Variants in SPOCK1 observed in about 807,000 individuals in gnomAD.
SPOCK1 encodes testican-1.
SPOCK1 carries 23 observed loss-of-function variants against 55.3 expected under a neutral mutation model. That is an observed-to-expected ratio of 0.42 (90% confidence interval 0.30 to 0.59). The LOEUF is 0.59. Ranked by LOEUF, SPOCK1 falls within the 20% of genes least tolerant of loss-of-function variation. The probability of loss-of-function intolerance (pLI) is 0.22; values close to 1 mark genes in which losing one functional copy is unlikely to be tolerated. For synonymous variants in SPOCK1, 226 were observed against 221.0 expected (o/e 1.02, Z -0.20); for missense variants, 499 against 552.5 (o/e 0.90, Z 0.97).
chr5:137,224,664 C>G (rs192766477), intron 3 of SPOCK1, among the ~76,000 whole-genome samples: 1 of 152,330 alleles, frequency 6.6e-6, no homozygotes, highest in African/African-American at 2.4e-5. Context: ...CTCATACACA[C>G]GGCTTCATGA....
chr5:137,057,655 C>A (rs1244583216), intron 6 of SPOCK1, among the ~76,000 whole-genome samples: 1 of 152,186 alleles, frequency 6.6e-6, no homozygotes, highest in Admixed American at 6.5e-5. Flanking sequence ...TCTTTGCTCT[C>A]TGCCCTGTCA....
In SPOCK1 at chr5:137,331,204, T is replaced by C. The variant is rs917947059; in HGVS notation, c.187-64149A>G. Among the ~76,000 whole-genome samples, 8 of 152,212 alleles carry C rather than the reference T, an allele frequency of 5.3e-5. No individual in the cohort carries two copies. The South Asian group carries it at 1.4e-3, about 28-fold the overall frequency. ...TGAGAAAAAGGAGCACCAATGTAAC[T>C]GGCAAGGCTGCAGCCATAGGTCCCA... is the stretch of plus-strand genomic sequence containing the variant. On this transcript the variant is annotated intron_variant, in intron 2 of 10. Transcript: ENST00000394945.
intron 2 of SPOCK1, among the ~76,000 whole-genome samples, chr5:137,449,424 G>A (rs146229144): frequency 1.1e-3 from 166 of 152,308 alleles, no homozygotes; most frequent in African/African-American, 3.8e-3. Flanking sequence ...TGCTACAACT[G>A]TGTTTTTTCA....
At chr5:137,029,604 C>T (rs1446878880) in intron 6 of SPOCK1, among the ~76,000 whole-genome samples, 4 of 152,192 alleles carry the variant, frequency 2.6e-5, no homozygotes, top group African/African-American at 9.7e-5. Context: ...GCAACTCCAA[C>T]AGTGATTATC....
At chr5:137,382,017 CATATACATTT>C (rs1751482566) in intron 2 of SPOCK1, among the ~76,000 whole-genome samples, 1 of 152,220 alleles carries the variant, frequency 6.6e-6, no homozygotes, top group African/African-American at 2.4e-5. Flanking sequence ...CACATACGAG[CATATACATTT>C]AGAAACAACC....
At chr5:137,409,948 G>A (rs1263197082) in intron 2 of SPOCK1, among the ~76,000 whole-genome samples, 1 of 152,214 alleles carries the variant, frequency 6.6e-6, no homozygotes, top group Non-Finnish European at 1.5e-5. Flanking sequence ...TCAGGCCAGG[G>A]CTGAGTACTG....
intron 2 of SPOCK1, among the ~76,000 whole-genome samples, chr5:137,352,052 C>T (rs1165751920): frequency 6.6e-6 from 1 of 152,178 alleles, no homozygotes; most frequent in Non-Finnish European, 1.5e-5. Context: ...GGTTGGAATC[C>T]TCTCTACAAT....
At chr5:137,392,187 C>T (rs1212573792) in intron 2 of SPOCK1, among the ~76,000 whole-genome samples, 1 of 152,130 alleles carries the variant, frequency 6.6e-6, no homozygotes, top group East Asian at 1.9e-4. Context: ...TGTACACTGG[C>T]CTCAAAGCTC....
At chr5:137,035,017 G>T (rs562162923) in intron 6 of SPOCK1, among the ~76,000 whole-genome samples, 1 of 152,188 alleles carries the variant, frequency 6.6e-6, no homozygotes, top group South Asian at 2.1e-4. Flanking sequence ...GCTGGGGTTG[G>T]CTGTGGCTGA....
At chr5:137,435,253 T>C (rs984692213) in intron 2 of SPOCK1, among the ~76,000 whole-genome samples, 6 of 152,256 alleles carry the variant, frequency 3.9e-5, no homozygotes, top group African/African-American at 1.4e-4. Flanking sequence ...GTTGCATCTC[T>C]AATTAATTCC....
chr5:137,239,093 T>C (rs1756236315), intron 3 of SPOCK1, among the ~76,000 whole-genome samples: 1 of 152,214 alleles, frequency 6.6e-6, no homozygotes, highest in Admixed American at 6.5e-5. Context: ...TTAAAAGATT[T>C]TAACTTGCAG....
intron 2 of SPOCK1, among the ~76,000 whole-genome samples, chr5:137,382,687 T>C (rs544956428): frequency 1.1e-4 from 16 of 152,280 alleles, no homozygotes; most frequent in Admixed American, 7.8e-4. Flanking sequence ...ACTCATTCAC[T>C]ATCATGAGAA....
At chr5:137,494,339 G>A (rs1380842374) in intron 2 of SPOCK1, among the ~76,000 whole-genome samples, 1 of 152,114 alleles carries the variant, frequency 6.6e-6, no homozygotes, top group Non-Finnish European at 1.5e-5. Flanking sequence ...ATCAGTGGAG[G>A]CTTGCACCCC....
intron 2 of SPOCK1, among the ~76,000 whole-genome samples, chr5:137,452,899 G>A (rs566740678): frequency 6.6e-6 from 1 of 152,266 alleles, no homozygotes; most frequent in African/African-American, 2.4e-5. Flanking sequence ...CAAAGCGGCA[G>A]AGCTACCTGG....
At chr5:137,063,210 G>A (rs1184842869) in intron 6 of SPOCK1, among the ~76,000 whole-genome samples, 7 of 146,848 alleles carry the variant, frequency 4.8e-5, no homozygotes, top group Non-Finnish European at 7.5e-5. Flanking sequence ...TCCGCAGTCC[G>A]GCCTGGGCGA....
At chr5:137,135,027 T>C (rs1580769384) in intron 4 of SPOCK1, among the ~76,000 whole-genome samples, 1 of 152,308 alleles carries the variant, frequency 6.6e-6, no homozygotes, top group East Asian at 1.9e-4. Flanking sequence ...GCCATTACAT[T>C]AGAGAGGCCC....
intron 5 of SPOCK1, among the ~76,000 whole-genome samples, chr5:137,090,842 C>T (rs912580549): frequency 2.0e-5 from 3 of 152,186 alleles, no homozygotes; most frequent in South Asian, 4.2e-4. Flanking sequence ...TCTCCTGAGA[C>T]GCTCAGGCAC....
chr5:137,146,260 G>C (rs1754190101), intron 3 of SPOCK1, among the ~76,000 whole-genome samples: 1 of 148,208 alleles, frequency 6.7e-6, no homozygotes. Flanking sequence ...CTCTCCCCAG[G>C]AACACCAAGC....
At chr5:137,497,847 A>AACACACACAC (rs113944229) in intron 2 of SPOCK1, among the ~76,000 whole-genome samples, 55 of 149,488 alleles carry the variant, frequency 3.7e-4, no homozygotes, top group African/African-American at 1.3e-3. Flanking sequence ...CGCCTCCCTC[A>AACACACACAC]ACACACACAC....
Sources: allele counts gnomAD v4.1 joint callset (sites outside exome capture counted in the v4.1 genomes callset), GRCh38; gene constraint gnomAD v4.1.1; transcripts MANE v1.5; gene names NCBI Gene and HGNC (gene_info 2026-07-23, HGNC 2026-07-21).